ERVK3-1: variants seen among roughly 807,000 people sequenced by gnomAD.
ERVK3-1 encodes HERV-K(HML6-1).
Position 58,312,106 on chromosome 19 carries a change from A to G in ERVK3-1, c.-3-60A>G, listed in dbSNP as rs1411487347. ...TTATGGAAATCCCCAGAAGAAGGACAATGGAAAGGTCCGGTGGATTTGCTG... is the reference window on the plus strand; with the variant it reads ...TTATGGAAATCCCCAGAAGAAGGACGATGGAAAGGTCCGGTGGATTTGCTG... On this transcript the variant is annotated intron_variant, in intron 2 of 3. Coordinates refer to ENST00000413518, the Ensembl canonical transcript of ERVK3-1. This position sits in a 1 kb window ranked among gnomAD's most constrained non-coding sequence, Gnocchi z 4.7. 1.3e-5 allele frequency: 5 copies of G among 399,632 alleles called. No individual in the cohort carries two copies. The highest frequency in any genetic ancestry group is 2.1e-5 in the African/African-American group (1 of 48,632). The allele number at this position is 399,632 out of a possible 1,614,324, so 24.8% of individuals were successfully genotyped here.
exon 4 of ERVK3-1, chr19:58,314,828 CA>C (rs2051580640): frequency 2.5e-6 from 1 of 399,764 alleles, no homozygotes; most frequent in Non-Finnish European, 4.4e-6. Flanking sequence ...AATGCAAAAA[CA>C]AAAGGGGAGA....
Position 58,312,151 on chromosome 19 carries a change from C to T in ERVK3-1, c.-3-15C>T, listed in dbSNP as rs2051560322. ...TTGCTGACGTGGGGACGAGGGTATG[C>T]TTGTGTTTTTACAGGAGATGGACAA... On this transcript the variant is annotated splice_polypyrimidine_tract_variant and intron_variant, in intron 2 of 3. Coordinates refer to ENST00000413518, the Ensembl canonical transcript of ERVK3-1. This position sits in a 1 kb window ranked among gnomAD's most constrained non-coding sequence, Gnocchi z 4.7. 7.5e-6 allele frequency: 3 copies of T among 400,100 alleles called. No homozygotes were observed. The highest frequency in any genetic ancestry group is 1.3e-5 in the Non-Finnish European group (3 of 226,084). 24.8% of individuals were successfully genotyped at this position (400,100 alleles called of 1,614,324 possible).
chr19:58,315,965 C>T (rs2051590014), downstream of ERVK3-1, among the ~76,000 whole-genome samples: 1 of 152,178 alleles, frequency 6.6e-6, no homozygotes, highest in African/African-American at 2.4e-5. Context: ...AACCTGGGAC[C>T]TCTGCCCAGG....
rs921157221 is a variant in ERVK3-1, at chr19:58,312,492, A to G, written c.294+30A>G. 1 of 399,748 alleles carries G rather than the reference A, an allele frequency of 2.5e-6. No homozygotes were observed. The allele number at this position is 399,748 out of a possible 1,614,324, so 24.8% of individuals were successfully genotyped here. A position where few individuals can be genotyped will look rare whatever the true frequency, so the allele number is the denominator to read the frequency against. Reference sequence around the variant, plus strand: ...GTTTCCCCTGTGTAGAGGCAAAAACATATTGGGCATATGTTCCTAACCCAC... The same window carrying G: ...GTTTCCCCTGTGTAGAGGCAAAAACGTATTGGGCATATGTTCCTAACCCAC... On this transcript the variant is annotated intron_variant, in intron 3 of 3. Coordinates refer to ENST00000413518, the Ensembl canonical transcript of ERVK3-1. The surrounding 1 kb of genome is among the most constrained non-coding windows in gnomAD (Gnocchi z 4.7).
rs1180926683 is a variant in ERVK3-1 at position 58,312,686 on chromosome 19, T to C, written c.294+224T>C. On this transcript the variant is annotated intron_variant, in intron 3 of 3. Coordinates refer to ENST00000413518, the Ensembl canonical transcript of ERVK3-1. This position sits in a 1 kb window ranked among gnomAD's most constrained non-coding sequence, Gnocchi z 4.7. ...TATCACCATGGATACGTCACTCAAC[T>C]GCAGCTGTCTTGCAGTCCAATCTCA... Among the ~76,000 whole-genome samples the C allele has an allele frequency of 5.3e-5, 8 of 152,194 alleles. No homozygotes were observed. The East Asian group carries it at 1.5e-3, about 29-fold the overall frequency.
downstream of ERVK3-1, among the ~76,000 whole-genome samples, chr19:58,316,777 A>G (rs552433224): frequency 6.6e-6 from 1 of 152,368 alleles, no homozygotes; most frequent in African/African-American, 2.4e-5. Context: ...AAACATGTCC[A>G]TACATTTTAT....
rs2051553217 is a variant in ERVK3-1 at position 58,310,939 on chromosome 19, A to G, written c.-3-1227A>G. On this transcript the variant is annotated intron_variant, in intron 2 of 3. Coordinates refer to ENST00000413518, the Ensembl canonical transcript of ERVK3-1. The surrounding 1 kb of genome is among the most constrained non-coding windows in gnomAD (Gnocchi z 4.7). ...CGCTGGCGTCACCACTAGACCAAGGAGCCCTCTGGTGGCCCTGTCTGGGCA... is the reference window on the plus strand; with the variant it reads ...CGCTGGCGTCACCACTAGACCAAGGGGCCCTCTGGTGGCCCTGTCTGGGCA... The G allele has an allele frequency of 3.1e-6, 1 of 319,984 alleles. No homozygotes were observed. Among genetic ancestry groups the G allele is most frequent in the Non-Finnish European group, 6.5e-6 (1 of 153,602 alleles). The allele number at this position is 319,984 out of a possible 1,614,324, so 19.8% of individuals were successfully genotyped here.
At position 58,310,750 on chromosome 19, in the gene ERVK3-1, C is replaced by T. The variant is rs200440956; in HGVS notation, c.-3-1416C>T. 3.4e-5 allele frequency: 8 copies of T among 237,418 alleles called. No homozygotes were observed. The highest frequency in any genetic ancestry group is 9.3e-5 in the Admixed American group (2 of 21,494). 14.7% of individuals were successfully genotyped at this position (237,418 alleles called of 1,614,324 possible). On this transcript the variant is annotated intron_variant, in intron 2 of 3. Transcript: ENST00000413518. This position sits in a 1 kb window ranked among gnomAD's most constrained non-coding sequence, Gnocchi z 4.7. ...GGTTAGGCCTCCGGATAACTGTGGGCGAGCCTGACTAATGTCAGGCCCTCC... is the reference window on the plus strand; with the variant it reads ...GGTTAGGCCTCCGGATAACTGTGGGTGAGCCTGACTAATGTCAGGCCCTCC...
Position 58,310,796 on chromosome 19 carries a change from G to A in ERVK3-1, c.-3-1370G>A. The A allele has an allele frequency of 3.0e-6, 1 of 329,108 alleles. No homozygotes were observed. The highest frequency in any genetic ancestry group is 1.1e-3 in the Middle Eastern group (1 of 918). The allele number at this position is 329,108 out of a possible 1,614,324, so 20.4% of individuals were successfully genotyped here. A position where few individuals can be genotyped will look rare whatever the true frequency, so the allele number is the denominator to read the frequency against. On this transcript the variant is annotated intron_variant, in intron 2 of 3. Transcript: ENST00000413518. This position sits in a 1 kb window ranked among gnomAD's most constrained non-coding sequence, Gnocchi z 4.7. ...CCTCCACAAGAGGTGGAGGAGCAGA[G>A]TCTTCTCTAACCTCCCCCAGGGAAA...
At chr19:58,311,043 T>C (rs2051553923) in intron 2 of ERVK3-1, 1 of 156,912 alleles carries the variant, frequency 6.4e-6, no homozygotes, top group South Asian at 1.7e-4. Flanking sequence ...TGGCCTGGTT[T>C]TTCCTAGGCT....
downstream of ERVK3-1, among the ~76,000 whole-genome samples, chr19:58,315,879 C>A (rs2147973401): frequency 6.6e-6 from 1 of 152,312 alleles, no homozygotes; most frequent in African/African-American, 2.4e-5. Context: ...GAGCCTAGAG[C>A]CACACTGATG....
chr19:58,314,953 C>T, exon 4 of ERVK3-1: 1 of 391,984 alleles, frequency 2.6e-6, no homozygotes, highest in Non-Finnish European at 4.5e-6. Flanking sequence ...CTGACAAACT[C>T]TGTCTGCCGC....
intron 3 of ERVK3-1, among the ~76,000 whole-genome samples, chr19:58,314,409 G>A (rs928043438): frequency 3.3e-5 from 5 of 152,052 alleles, no homozygotes; most frequent in African/African-American, 9.7e-5. Flanking sequence ...GGCAGATCAC[G>A]AGGTCAGAAG....
At chr19:58,307,964 C>T (rs552767269) in intron 2 of ERVK3-1, among the ~76,000 whole-genome samples, 1 of 152,254 alleles carries the variant, frequency 6.6e-6, no homozygotes, top group Non-Finnish European at 1.5e-5. Flanking sequence ...GAACCTTTGC[C>T]AACAGGATAT....
chr19:58,308,892 T>C (rs1010619789), intron 2 of ERVK3-1: 1 of 152,176 alleles, frequency 6.6e-6, no homozygotes, highest in African/African-American at 2.4e-5. Context: ...GTCAGGAAAA[T>C]GGCAACTGCT....
At chr19:58,315,357 G>C (rs965947818) in exon 4 of ERVK3-1, 2 of 152,058 alleles carry the variant, frequency 1.3e-5, no homozygotes, top group Admixed American at 6.6e-5. Context: ...CTGCCTATTC[G>C]CTCTTCCTCC....
chr19:58,307,633 C>A (rs537828112), intron 2 of ERVK3-1, among the ~76,000 whole-genome samples: 8 of 151,776 alleles, frequency 5.3e-5, no homozygotes, highest in African/African-American at 1.7e-4. Flanking sequence ...CCCGCTCCCC[C>A]CAACACACAC....
In ERVK3-1 at chr19:58,310,179, A is replaced by G. The variant is rs1205350983; in HGVS notation, c.-3-1987A>G. The stretch of plus-strand genomic sequence containing the variant: ...TTCAAGTTTTAAAGCTCACAGCTTT[A>G]TTTCCTATTAATATTGTCTGTAATT... On this transcript the variant is annotated intron_variant, in intron 2 of 3. Coordinates refer to ENST00000413518, the Ensembl canonical transcript of ERVK3-1. The surrounding 1 kb of genome is among the most constrained non-coding windows in gnomAD (Gnocchi z 4.7). 2 of 152,224 alleles carry G rather than the reference A, an allele frequency of 1.3e-5. No individual in the cohort carries two copies. Among genetic ancestry groups the G allele is most frequent in the Non-Finnish European group, 2.9e-5 (2 of 68,078 alleles). The allele number at this position is 152,224 out of a possible 1,614,324, so 9.4% of individuals were successfully genotyped here. A position where few individuals can be genotyped will look rare whatever the true frequency, so the allele number is the denominator to read the frequency against.
At position 58,312,349 on chromosome 19, in the gene ERVK3-1, T is replaced by C; in HGVS notation, c.181T>C (p.Trp61Arg). The C allele has an allele frequency of 5.0e-6, 2 of 399,984 alleles. No individual in the cohort carries two copies. Among genetic ancestry groups the C allele is most frequent in the Non-Finnish European group, 8.8e-6 (2 of 226,052 alleles). 24.8% of individuals were successfully genotyped at this position (399,984 alleles called of 1,614,324 possible). The change falls in exon 3 of 4, where the codon TGG (tryptophan) becomes CGG (arginine). Residue 61 changes from tryptophan to arginine, a missense_variant. Physicochemically the swap from Trp to Arg is moderately radical, Grantham distance 101. Coordinates refer to ENST00000413518, the Ensembl canonical transcript of ERVK3-1. This position sits in a 1 kb window ranked among gnomAD's most constrained non-coding sequence, Gnocchi z 4.7. ...CACAATGACATCCAACCCCATAACATGGGGACAGATCAAGAAAACGACACA... is the reference window on the plus strand; with the variant it reads ...CACAATGACATCCAACCCCATAACACGGGGACAGATCAAGAAAACGACACA...
Sources: allele counts gnomAD v4.1 joint callset (sites outside exome capture counted in the v4.1 genomes callset), GRCh38; gene constraint gnomAD v4.1.1; non-coding constraint Gnocchi (gnomAD v3.1); transcripts MANE v1.5; gene names NCBI Gene and HGNC (gene_info 2026-07-23, HGNC 2026-07-21).